Variants in ROBO2 observed in about 807,000 individuals in gnomAD.
ROBO2 encodes the protein roundabout homolog 2.
ROBO2 carries 53 observed loss-of-function variants against 160.8 expected under a neutral mutation model. The observed-to-expected ratio is 0.33, with a 90% CI of 0.26 to 0.41. ROBO2 has a LOEUF of 0.41. Ranked by LOEUF, ROBO2 falls within the 10% of genes least tolerant of loss-of-function variation. The pLI is 1.00. For synonymous variants in ROBO2, 664 were observed against 611.7 expected, an observed-to-expected ratio of 1.09 and a Z score of -1.26; for missense variants, 1,577 against 1,722.4, an observed-to-expected ratio of 0.92 and a Z score of 1.49.
chr3:77,411,365 C>A (rs2076787058), intron 2 of ROBO2, among the ~76,000 whole-genome samples: 1 of 152,150 alleles, frequency 6.6e-6, no homozygotes, highest in Admixed American at 6.5e-5. Context: ...CCCAGCAATT[C>A]CACTGCTGTA....
intron 1 of ROBO2, among the ~76,000 whole-genome samples, chr3:75,917,752 C>T (rs988509770): frequency 6.6e-6 from 1 of 152,122 alleles, no homozygotes; most frequent in African/African-American, 2.4e-5. Context: ...GATGGTATGT[C>T]ATTGTGGTTT....
chr3:77,504,429 AT>A (rs939220448), intron 5 of ROBO2, among the ~76,000 whole-genome samples: 1 of 151,810 alleles, frequency 6.6e-6, no homozygotes, highest in African/African-American at 2.4e-5. Flanking sequence ...AAAAAAAAAA[AT>A]GTTCAATTAA....
chr3:76,655,768 A>T (rs368372791), intron 2 of ROBO2, among the ~76,000 whole-genome samples: 1 of 143,872 alleles, frequency 7.0e-6, no homozygotes, highest in African/African-American at 2.8e-5. Context: ...AAGGAAGGAA[A>T]GAAGGAAGGA....
Position 75,952,522 on chromosome 3 carries a change from G to A in ROBO2, c.109+14920G>A, listed in dbSNP as rs544414582. Among the ~76,000 whole-genome samples the A allele has an allele frequency of 2.6e-5, 4 of 152,038 alleles. No individual in the cohort carries two copies. In the South Asian group the frequency reaches 8.3e-4, roughly 31 times the overall value. On this transcript the variant is annotated intron_variant, in intron 2 of 26. Coordinates refer to the ROBO2 transcript ENST00000487694. ...AGCAATTTTAGGTTTGCAGAAAGAA[G>A]TGAATAAGCATTCACATGTCATCCT...
At chr3:77,100,144 G>A (rs2071703997) in intron 2 of ROBO2, among the ~76,000 whole-genome samples, 1 of 151,974 alleles carries the variant, frequency 6.6e-6, no homozygotes, top group African/African-American at 2.4e-5. Context: ...GTTCTGGTGG[G>A]AATATTTTAA....
At chr3:77,620,563 C>T (rs2094880286) in intron 22 of ROBO2, among the ~76,000 whole-genome samples, 1 of 152,176 alleles carries the variant, frequency 6.6e-6, no homozygotes, top group Non-Finnish European at 1.5e-5. Flanking sequence ...TTTCAACTAG[C>T]AGGCTGTGAG....
intron 2 of ROBO2, among the ~76,000 whole-genome samples, chr3:76,454,690 G>A (rs774048578): frequency 5.3e-5 from 8 of 152,014 alleles, no homozygotes; most frequent in Admixed American, 4.6e-4. Flanking sequence ...CATTTAGCCC[G>A]GTGCCTGGCA....
At chr3:76,129,426 A>G (rs1203188753) in intron 2 of ROBO2, among the ~76,000 whole-genome samples, 1 of 152,168 alleles carries the variant, frequency 6.6e-6, no homozygotes, top group Non-Finnish European at 1.5e-5. Context: ...GCCAATTGAA[A>G]TGCACTATAC....
intron 2 of ROBO2, among the ~76,000 whole-genome samples, chr3:76,521,939 T>A (rs2081642064): frequency 6.6e-6 from 1 of 152,182 alleles, no homozygotes; most frequent in South Asian, 2.1e-4. Context: ...TATATGTGCA[T>A]CTATATGTGG....
intron 2 of ROBO2, among the ~76,000 whole-genome samples, chr3:76,809,479 T>C (rs2064995662): frequency 6.6e-6 from 1 of 152,142 alleles, no homozygotes; most frequent in South Asian, 2.1e-4. Flanking sequence ...TTATATAACA[T>C]AGCATATTCA....
intron 2 of ROBO2, among the ~76,000 whole-genome samples, chr3:76,341,504 C>CA (rs1003765397): frequency 0.013 from 1,182 of 94,544 alleles, 12 homozygotes; most frequent in African/African-American, 0.035. Flanking sequence ...TATCTCTTTA[C>CA]AAAAAAAAAA....
chr3:76,047,471 C>T (rs558224410), intron 2 of ROBO2, among the ~76,000 whole-genome samples: 1 of 152,312 alleles, frequency 6.6e-6, no homozygotes, highest in African/African-American at 2.4e-5. Flanking sequence ...GTTAGTGATA[C>T]AGAGATTGCC....
chr3:77,182,739 C>T (rs1274919629), intron 2 of ROBO2, among the ~76,000 whole-genome samples: 1 of 151,982 alleles, frequency 6.6e-6, no homozygotes, highest in Non-Finnish European at 1.5e-5. Context: ...AACAATCTCT[C>T]CATAGAGACT....
At chr3:76,816,839 G>C (rs529149023) in intron 2 of ROBO2, among the ~76,000 whole-genome samples, 2 of 151,974 alleles carry the variant, frequency 1.3e-5, no homozygotes, top group Non-Finnish European at 2.9e-5. Context: ...ATAAATGTTA[G>C]ACTGGAAAAA....
chr3:75,974,543 G>A (rs72890317), intron 2 of ROBO2, among the ~76,000 whole-genome samples: 2 of 151,546 alleles, frequency 1.3e-5, no homozygotes, highest in African/African-American at 4.8e-5. Context: ...TCAAAGTACT[G>A]TTGGTATCAA....
At chr3:76,066,994 G>A (rs907697010) in intron 2 of ROBO2, among the ~76,000 whole-genome samples, 7 of 152,112 alleles carry the variant, frequency 4.6e-5, no homozygotes, top group African/African-American at 9.6e-5. Flanking sequence ...TAGCTCTTTC[G>A]AAACAAAGAC....
intron 2 of ROBO2, among the ~76,000 whole-genome samples, chr3:75,963,589 G>A (rs560623471): frequency 3.8e-4 from 58 of 151,926 alleles, no homozygotes; most frequent in African/African-American, 1.3e-3. Flanking sequence ...GTTGGGTGCT[G>A]GCTTTAAAAA....
intron 2 of ROBO2, among the ~76,000 whole-genome samples, chr3:76,901,989 C>A (rs1016784487): frequency 7.2e-5 from 11 of 151,834 alleles, no homozygotes; most frequent in African/African-American, 2.7e-4. Context: ...CATAAATCCT[C>A]TTTTTTAAAC....
chr3:76,796,463 CAAAG>C (rs2063699661), intron 2 of ROBO2, among the ~76,000 whole-genome samples: 1 of 118,444 alleles, frequency 8.4e-6, no homozygotes, highest in African/African-American at 3.5e-5. Flanking sequence ...AAAAAAGACC[CAAAG>C]GAAGGAAGGA....
Sources: gnomAD v4.1 joint callset for allele counts (sites outside exome capture counted in the v4.1 genomes callset) on GRCh38, gnomAD v4.1.1 for gene constraint, MANE v1.5 for transcripts, NCBI Gene and HGNC (gene_info 2026-07-23, HGNC 2026-07-21) for gene names.